NIPA2: variants seen among roughly 807,000 people sequenced by gnomAD.
The protein encoded by NIPA2 is NIPA magnesium transporter 2.
In NIPA2, 11 loss-of-function variants were observed where a neutral mutation model predicts 29.7. The ratio of observed to expected loss-of-function variants is 0.37; its 90% CI spans 0.23 to 0.61. The LOEUF is 0.61. Ranked by LOEUF, NIPA2 falls within the 20% of genes least tolerant of loss-of-function variation. The pLI is 0.66. For missense variants in NIPA2, 426 were observed against 437.9 expected (o/e 0.97, Z 0.24); for synonymous variants, 183 against 161.9 (o/e 1.13, Z -0.99).
At chr15:22,864,241 C>T (rs1220886544) in intron 7 of NIPA2, among the ~76,000 whole-genome samples, 1 of 151,780 alleles carries the variant, frequency 6.6e-6, no homozygotes, top group Non-Finnish European at 1.5e-5. Flanking sequence ...CTGCAAGCTC[C>T]CCTCCCGGGT....
intron 6 of NIPA2, among the ~76,000 whole-genome samples, chr15:22,859,086 A>T (rs111598827): frequency 0.022 from 3,403 of 152,174 alleles, 119 homozygotes; most frequent in African/African-American, 0.078. Context: ...AGACAGGAGA[A>T]TGGCTTGAAC....
At chr15:22,862,675 G>C in intron 7 of NIPA2, among the ~76,000 whole-genome samples, 1 of 151,944 alleles carries the variant, frequency 6.6e-6, no homozygotes, top group East Asian at 1.9e-4. Flanking sequence ...TTCTTTGTGG[G>C]CCTCCTGTGG....
chr15:22,867,044 C>T lies in NIPA2; in HGVS notation c.*197C>T. 1 of 541,254 alleles carries T rather than the reference C, an allele frequency of 1.8e-6. No individual in the cohort carries two copies. 33.5% of individuals were successfully genotyped at this position (541,254 alleles called of 1,614,324 possible). On this transcript the variant is annotated 3_prime_UTR_variant, in exon 8 of 8. Transcript: ENST00000337451. ...GTAGCTCACTAAAATGACCTCAGCA[C>T]ATGACGATTTCTATTAACATTTTAT...
At chr15:22,856,726 A>C (rs1198996367) in intron 5 of NIPA2, among the ~76,000 whole-genome samples, 2 of 152,224 alleles carry the variant, frequency 1.3e-5, no homozygotes, top group African/African-American at 4.8e-5. Flanking sequence ...TAGGGTTAAT[A>C]AACAAATGAA....
intron 4 of NIPA2, among the ~76,000 whole-genome samples, chr15:22,852,837 A>G (rs1042380366): frequency 6.6e-6 from 1 of 152,160 alleles, no homozygotes; most frequent in African/African-American, 2.4e-5. Flanking sequence ...GGCAGGAAAC[A>G]GTACCACCCT....
chr15:22,866,379 G>C lies in NIPA2; in HGVS notation c.615G>C (p.Glu205Asp). ...CVKGLGIAIK[E>D]LFAGKPVLRH... ...AGGGCCTGGGCATTGCTATCAAGGA[G>C]CTGTTTGCAGGGAAGCCTGTGCTGC... Residue 205 changes from glutamate to aspartate, a missense_variant, in exon 8 of 8, where the codon GAG (glutamate) becomes GAC (aspartate). By Grantham distance (45) the Glu-to-Asp change is conservative (BLOSUM62 2). This residue lies in a region of NIPA2 where 357 missense variants were observed against 339.8 expected (regional missense o/e 1.05). Transcript: ENST00000337451. 6.2e-7 allele frequency: 1 copy of C among 1,614,100 alleles called. No homozygotes were observed. Among genetic ancestry groups the C allele is most frequent in the Non-Finnish European group, 8.5e-7 (1 of 1,179,996 alleles).
At position 22,858,641 on chromosome 15, in the gene NIPA2, G is replaced by A. The variant is rs755473201; in HGVS notation, c.287+11G>A. ...CAGCGTGCTAGTAAGGTAAGGACAC[G>A]TTTTTCATGTAGAAACAGTAGTCGG... On this transcript the variant is annotated intron_variant, in intron 6 of 7. Transcript: ENST00000337451. 14 of 1,518,766 alleles carry A rather than the reference G, an allele frequency of 9.2e-6. No homozygotes were observed. Among genetic ancestry groups the A allele is most frequent in the South Asian group, 3.7e-5 (3 of 82,056 alleles). 94.1% of individuals were successfully genotyped at this position (1,518,766 alleles called of 1,614,324 possible). A position where few individuals can be genotyped will look rare whatever the true frequency, so the allele number is the denominator to read the frequency against.
rs530317169 is a variant in NIPA2, at chr15:22,867,581, G to A, written c.*734G>A. On this transcript the variant is annotated 3_prime_UTR_variant, in exon 8 of 8. Transcript: ENST00000337451. Reference sequence around the variant, plus strand: ...CATGATGCCTGGAACCTTGATTACCGTTTTACATCAGCTCTTGTACTTTTC... The same window carrying A: ...CATGATGCCTGGAACCTTGATTACCATTTTACATCAGCTCTTGTACTTTTC... The A allele has an allele frequency of 2.2e-4, 42 of 188,306 alleles. No homozygotes were observed. Among genetic ancestry groups the A allele is most frequent in the South Asian group, 3.9e-4 (2 of 5,122 alleles). The allele number at this position is 188,306 out of a possible 1,614,324, so 11.7% of individuals were successfully genotyped here. A position where few individuals can be genotyped will look rare whatever the true frequency, so the allele number is the denominator to read the frequency against.
At chr15:22,849,852 G>A (rs576903967) in intron 3 of NIPA2, among the ~76,000 whole-genome samples, 10 of 152,104 alleles carry the variant, frequency 6.6e-5, no homozygotes, top group Admixed American at 3.9e-4. Flanking sequence ...GTGAGCCACC[G>A]CGCCCGACCC....
chr15:22,848,230 G>A (rs1210548679), intron 3 of NIPA2, among the ~76,000 whole-genome samples: 1 of 152,040 alleles, frequency 6.6e-6, no homozygotes, highest in South Asian at 2.1e-4. Context: ...CATTTTCGTA[G>A]TCCGTATAAC....
chr15:22,865,734 A>G (rs1463020734), intron 7 of NIPA2, among the ~76,000 whole-genome samples: 3 of 152,190 alleles, frequency 2.0e-5, no homozygotes, highest in African/African-American at 2.4e-5. Flanking sequence ...GTATCTTTCA[A>G]GTTCTCCAGT....
At position 22,865,847 on chromosome 15, in the gene NIPA2, T is replaced by A. The variant is rs545888130; in HGVS notation, c.449-366T>A. On this transcript the variant is annotated intron_variant, in intron 7 of 7. Transcript: ENST00000337451. ...TTGTTTTTGTGTTTTTTGTTTTTTT[T>A]AGCATCTATAAATTGTTGAACATTC... is the stretch of plus-strand genomic sequence containing the variant. Among the ~76,000 whole-genome samples, 4 of 152,262 alleles carry A rather than the reference T, an allele frequency of 2.6e-5. No homozygotes were observed. The South Asian group carries it at 6.2e-4, about 24-fold the overall frequency.
rs563477313 is a variant in NIPA2, at chr15:22,854,068, G to A, written c.196+800G>A. On this transcript the variant is annotated intron_variant, in intron 5 of 7. Transcript: ENST00000337451. ...TCTCGATCTCTTGACCTCGTGATCC[G>A]CCCACCTTGGCCTCCCAAAGTGCTG... Among the ~76,000 whole-genome samples the A allele has an allele frequency of 7.9e-4, 119 of 150,712 alleles. 4 individuals carry two copies. The South Asian group carries it at 9.4e-3, about 12-fold the overall frequency.
chr15:22,858,342 T>C (rs2058356045), intron 5 of NIPA2, among the ~76,000 whole-genome samples, 198 bp from the exon 6 acceptor site: 1 of 152,066 alleles, frequency 6.6e-6, no homozygotes, highest in Non-Finnish European at 1.5e-5. Flanking sequence ...CGCAGTGAGT[T>C]GAGATCACAC....
chr15:22,866,907 A>T lies in NIPA2; in HGVS notation c.*60A>T, dbSNP rs1349961969. ...ATGAAGTGAATTTGAATATCATCAG[A>T]ATGTGTCTGAAAAAACATTGTCCTC... On this transcript the variant is annotated 3_prime_UTR_variant, in exon 8 of 8. Coordinates refer to ENST00000337451, the MANE Select transcript of NIPA2 (RefSeq NM_030922.7). 9.1e-6 allele frequency: 13 copies of T among 1,422,206 alleles called. No homozygotes were observed. The Admixed American group carries it at 3.0e-4, about 33-fold the overall frequency. The allele number at this position is 1,422,206 out of a possible 1,614,324, so 88.1% of individuals were successfully genotyped here.
chr15:22,858,430 G>T, intron 5 of NIPA2, 110 bp from the exon 6 acceptor site: 1 of 562,026 alleles, frequency 1.8e-6, no homozygotes. Context: ...AAATATGGAG[G>T]TTACTAAATA....
At chr15:22,853,752 A>C (rs201397172) in intron 5 of NIPA2, among the ~76,000 whole-genome samples, 4 of 152,164 alleles carry the variant, frequency 2.6e-5, no homozygotes, top group African/African-American at 7.2e-5. Flanking sequence ...CATGCAATTC[A>C]TAATAATTGC....
intron 4 of NIPA2, 68 bp downstream of exon 4, chr15:22,851,938 A>G: frequency 7.5e-7 from 1 of 1,332,792 alleles, no homozygotes; most frequent in Non-Finnish European, 1.0e-6. Context: ...TTCTTTGTAC[A>G]AGACCACATC....
intron 3 of NIPA2, among the ~76,000 whole-genome samples, chr15:22,848,932 G>A (rs1402052925): frequency 6.6e-6 from 1 of 151,400 alleles, no homozygotes; most frequent in African/African-American, 2.4e-5. Context: ...TATGTGCATA[G>A]GCTAAAAGGG....
Sources: allele counts gnomAD v4.1 joint callset (sites outside exome capture counted in the v4.1 genomes callset), GRCh38; gene constraint gnomAD v4.1.1; regional missense constraint gnomAD v4.1.1; transcripts MANE v1.5; gene names NCBI Gene and HGNC (gene_info 2026-07-23, HGNC 2026-07-21).